Variants in GMPR2 observed in about 807,000 individuals in gnomAD.
GMPR2 encodes GMP reductase 2.
A neutral mutation model predicts 38.5 loss-of-function variants in GMPR2; 32 were observed. The ratio of observed to expected loss-of-function variants is 0.83; its 90% CI spans 0.63 to 1.12. GMPR2 has a LOEUF of 1.12. Among genes scored for constraint, GMPR2 ranks in the 50% most tolerant of loss-of-function variants. The pLI, the probability that GMPR2 is intolerant of heterozygous loss-of-function variation, is 0.00. For missense variants in GMPR2, 396 were observed against 432.1 expected, an observed-to-expected ratio of 0.92 and a Z score of 0.74; for synonymous variants, 154 against 151.0, an observed-to-expected ratio of 1.02 and a Z score of -0.15.
chr14:24,237,195 G>A (rs372500591), intron 6 of GMPR2, 43 bp downstream of exon 6: 8 of 1,542,638 alleles, frequency 5.2e-6, no homozygotes, highest in Non-Finnish European at 7.2e-6. Context: ...CCCTTCAGTG[G>A]CAAACACCTG....
In GMPR2 at chr14:24,233,003, T is replaced by C. The variant is rs546105519; in HGVS notation, c.-36+26T>C. On this transcript the variant is annotated intron_variant, in intron 1 of 9. Coordinates refer to ENST00000399440, the MANE Select transcript of GMPR2 (RefSeq NM_001002002.3). Reference sequence around the variant, plus strand: ...GTAAGGAATGCACCGTCAGGGTCTCTCACAACCCTTTCCCAGCTCTCCTCC... The same window carrying C: ...GTAAGGAATGCACCGTCAGGGTCTCCCACAACCCTTTCCCAGCTCTCCTCC... 522 of 611,664 alleles carry C rather than the reference T, an allele frequency of 8.5e-4. 5 individuals carry two copies. The South Asian group carries it at 9.8e-3, about 11-fold the overall frequency. 37.9% of individuals were successfully genotyped at this position (611,664 alleles called of 1,614,324 possible).
At chr14:24,235,671 C>A in intron 3 of GMPR2, 66 bp from the exon 4 acceptor site, 1 of 1,047,524 alleles carries the variant, frequency 9.5e-7, no homozygotes, top group Non-Finnish European at 1.5e-6. Context: ...TAGAATAGGT[C>A]TGTTTCTAGA....
chr14:24,233,855 T>C (rs1189893992), intron 3 of GMPR2: 7 of 568,798 alleles, frequency 1.2e-5, no homozygotes, highest in Non-Finnish European at 2.2e-5. Flanking sequence ...TTGTCCTGTT[T>C]AGCAGTTTGT....
In GMPR2 at chr14:24,233,095, G is replaced by A. The variant is rs1002787536; in HGVS notation, c.-36+118G>A. ...GCCACGGGATGGGTCGAGGTGACAG[G>A]CTTCAGGGACCACACTTCGGCCTTT... On this transcript the variant is annotated intron_variant, in intron 1 of 9. Transcript: ENST00000399440. 4.0e-6 allele frequency: 5 copies of A among 1,259,714 alleles called. No homozygotes were observed. The African/African-American group carries it at 7.4e-5, about 19-fold the overall frequency. 78.0% of individuals were successfully genotyped at this position (1,259,714 alleles called of 1,614,324 possible). A position where few individuals can be genotyped will look rare whatever the true frequency, so the allele number is the denominator to read the frequency against.
In GMPR2 at chr14:24,237,553, A is replaced by C. The variant is rs748664092; in HGVS notation, c.688A>C (p.Lys230Gln). 1.9e-6 allele frequency: 3 copies of C among 1,614,014 alleles called. No homozygotes were observed. The highest frequency in any genetic ancestry group is 1.1e-5 in the South Asian group (1 of 91,072). The stretch of plus-strand genomic sequence containing the variant: ...TTGCAGCTGTCCTGGGGATGTGGCC[A>C]AGGCTTTTGGTAAGGAGCTTGAGGG... ...GGCSCPGDVA[K>Q]AFGAGADFVM... The change falls in exon 8 of 10, where the codon AAG (lysine) becomes CAG (glutamine). Residue 230 changes from lysine (K) to glutamine (Q), a missense_variant. By Grantham distance (53) the Lys-to-Gln change is moderately conservative. Coordinates refer to ENST00000399440, the MANE Select transcript of GMPR2 (RefSeq NM_001002002.3).
intron 5 of GMPR2, 23 bp from the exon 6 acceptor site, chr14:24,237,048 G>GT (rs1339759517): frequency 6.3e-7 from 1 of 1,583,328 alleles, no homozygotes; most frequent in Non-Finnish European, 8.7e-7. Context: ...TAAGGATGCT[G>GT]TATTTCAATT....
At chr14:24,238,468 G>C in intron 9 of GMPR2, 63 bp downstream of exon 9, 1 of 1,614,066 alleles carries the variant, frequency 6.2e-7, no homozygotes. Context: ...CTGCTGAGAG[G>C]GGGATGGTAC....
In GMPR2 at chr14:24,238,403, C is replaced by T. The variant is rs773952693; in HGVS notation, c.855C>T (p.Tyr285=). The stretch of plus-strand genomic sequence containing the variant: ...AGTATGCTGGGGGCGTGGCTGAGTA[C>T]AGGTATGTGTGGAGGCCCAGGAGCT... ...MKKYAGGVAE[Y]RASEGKTVEV... The change falls in exon 9 of 10, where the codon TAC becomes TAT. Residue 285 remains tyrosine (Y), a splice_region_variant and synonymous_variant. Transcript: ENST00000399440. 1.4e-5 allele frequency: 23 copies of T among 1,613,804 alleles called. No individual in the cohort carries two copies. Among genetic ancestry groups the T allele is most frequent in the Non-Finnish European group, 1.8e-5 (21 of 1,179,988 alleles).
intron 8 of GMPR2, 54 bp from the exon 9 acceptor site, chr14:24,238,192 C>A: frequency 6.7e-7 from 1 of 1,500,838 alleles, no homozygotes; most frequent in Non-Finnish European, 9.1e-7. Context: ...TGAGGGTGGC[C>A]ATGTGAGCAC....
chr14:24,236,052 T>C lies in GMPR2; in HGVS notation c.377T>C (p.Ile126Thr). 1 of 1,613,824 alleles carries C rather than the reference T, an allele frequency of 6.2e-7. No homozygotes were observed. The stretch of plus-strand genomic sequence containing the variant: ...GAAGCTATTCCCCAGGTGAAGTATA[T>C]ATGCCTGGATGTGGCAAATGGCTAC... ...ILEAIPQVKY[I>T]CLDVANGYSE... The change falls in exon 5 of 10, where the codon ATA (isoleucine) becomes ACA (threonine). Residue 126 changes from isoleucine (I) to threonine (T), a missense_variant. By Grantham distance (89) the Ile-to-Thr change is moderately conservative. Coordinates refer to ENST00000399440, the MANE Select transcript of GMPR2 (RefSeq NM_001002002.3).
At chr14:24,235,473 G>C (rs1472389315) in intron 3 of GMPR2, 5 of 501,232 alleles carry the variant, frequency 1.0e-5, no homozygotes, top group African/African-American at 2.0e-5. Flanking sequence ...CAGAAGCAGT[G>C]AATGTGCTGG....
rs2040118633 is a variant in GMPR2 at position 24,232,962 on chromosome 14, A to G, written c.-51A>G. On this transcript the variant is annotated 5_prime_UTR_variant, in exon 1 of 10. Transcript: ENST00000399440. ...CCATTGCTCTTTGCAGGGGTAGAAGAAGGAAGTGTAGCGGGGTAAGGAATG... is the reference window on the plus strand; with the variant it reads ...CCATTGCTCTTTGCAGGGGTAGAAGGAGGAAGTGTAGCGGGGTAAGGAATG... 2 of 549,426 alleles carry G rather than the reference A, an allele frequency of 3.6e-6. No individual in the cohort carries two copies. Among genetic ancestry groups the G allele is most frequent in the Admixed American group, 3.2e-5 (1 of 31,582 alleles). The allele number at this position is 549,426 out of a possible 1,614,324, so 34.0% of individuals were successfully genotyped here. A position where few individuals can be genotyped will look rare whatever the true frequency, so the allele number is the denominator to read the frequency against.
intron 5 of GMPR2, 192 bp from the exon 6 acceptor site, chr14:24,236,879 T>G: frequency 1.8e-6 from 1 of 545,162 alleles, no homozygotes; most frequent in Non-Finnish European, 3.3e-6. Context: ...TGGCTTGGTG[T>G]TGGGTGGATG....
Position 24,237,567 on chromosome 14 carries a change from G to A in GMPR2, c.697+5G>A, listed in dbSNP as rs1366109092. On this transcript the variant is annotated splice_donor_5th_base_variant and intron_variant, in intron 8 of 9. Transcript: ENST00000399440. ...GGGATGTGGCCAAGGCTTTTGGTAAGGAGCTTGAGGGCACAGAAGGATGAT... is the reference window on the plus strand; with the variant it reads ...GGGATGTGGCCAAGGCTTTTGGTAAAGAGCTTGAGGGCACAGAAGGATGAT... 1 of 1,613,040 alleles carries A rather than the reference G, an allele frequency of 6.2e-7. No individual in the cohort carries two copies. Among genetic ancestry groups the A allele is most frequent in the South Asian group, 1.1e-5 (1 of 91,066 alleles).
chr14:24,232,826 G>T (rs3814815), upstream of GMPR2: 16,179 of 246,918 alleles, frequency 0.066, 699 homozygotes, highest in East Asian at 0.2. Context: ...GTCAACTGCC[G>T]CCTGGACCAA....
At chr14:24,233,361 G>A (rs2040153158) in intron 2 of GMPR2, 21 bp downstream of exon 2, 1 of 1,613,028 alleles carries the variant, frequency 6.2e-7, no homozygotes, top group Admixed American at 1.7e-5. Flanking sequence ...TTCTCTACTT[G>A]CTGTTTCTTG....
intron 5 of GMPR2, 50 bp downstream of exon 5, chr14:24,236,190 A>G (rs1397438626): frequency 7.0e-7 from 1 of 1,432,202 alleles, no homozygotes; most frequent in East Asian, 2.3e-5. Flanking sequence ...CTTTCCTGCC[A>G]CTCCGTTTTG....
rs2040393733 is a variant in GMPR2, at chr14:24,237,310, T to C, written c.613T>C (p.Cys205Arg). ...GYPQLSAVME[C>R]ADAAHGLKGH... ...TCCACAGCTCAGCGCAGTGATGGAG[T>C]GTGCAGATGCTGCTCATGGCCTCAA... Residue 205 changes from cysteine (C) to arginine (R), a missense_variant, in exon 7 of 10, where the codon TGT (cysteine) becomes CGT (arginine). By Grantham distance (180) the Cys-to-Arg change is radical. Coordinates refer to ENST00000399440, the MANE Select transcript of GMPR2 (RefSeq NM_001002002.3). 1 of 1,612,054 alleles carries C rather than the reference T, an allele frequency of 6.2e-7. No individual in the cohort carries two copies. Among genetic ancestry groups the C allele is most frequent in the Non-Finnish European group, 8.5e-7 (1 of 1,178,190 alleles).
chr14:24,237,412 A>G, intron 7 of GMPR2, 61 bp downstream of exon 7: 1 of 1,475,922 alleles, frequency 6.8e-7, no homozygotes, highest in Non-Finnish European at 9.5e-7. Context: ...GAGGTGGCAG[A>G]GATGGATTAG....
Sources: gnomAD v4.1 joint callset for allele counts on GRCh38, gnomAD v4.1.1 for gene constraint, MANE v1.5 for transcripts, NCBI Gene and HGNC (gene_info 2026-07-23, HGNC 2026-07-21) for gene names.